Variants in ESRRB observed in about 807,000 individuals in gnomAD.
ESRRB encodes the protein estrogen related receptor beta.
In ESRRB, 16 loss-of-function variants were observed where a neutral mutation model predicts 46.0. The observed-to-expected ratio is 0.35, with a 90% CI of 0.24 to 0.53. The LOEUF (loss-of-function observed/expected upper bound fraction) is 0.53, where lower values mean the gene tolerates loss of function less well. Ranked by LOEUF, ESRRB falls within the 20% of genes least tolerant of loss-of-function variation. The pLI is 0.93. For missense variants in ESRRB, 488 were observed against 607.4 expected (o/e 0.80, Z 2.07); for synonymous variants, 246 against 259.6 (o/e 0.95, Z 0.50).
At chr14:76,460,718 TGAGACGGA>T (rs1555341802) in intron 2 of ESRRB, among the ~76,000 whole-genome samples, 2 of 151,348 alleles carry the variant, frequency 1.3e-5, no homozygotes, top group Non-Finnish European at 2.9e-5. Flanking sequence ...CATTTTTTTT[TGAGACGGA>T]GTTTTGCTCT....
At position 76,498,521 on chromosome 14, in the gene ESRRB, C is replaced by A; in HGVS notation, c.*63C>A. The stretch of plus-strand genomic sequence containing the variant: ...ACAAACGGACAGACCGAGGTGGAGA[C>A]CTCCACAGCCACCAGCCTCCACCTT... On this transcript the variant is annotated 3_prime_UTR_variant, in exon 7 of 7. Coordinates refer to ENST00000644823, the MANE Select transcript of ESRRB (RefSeq NM_001379180.1). 6.2e-7 allele frequency: 1 copy of A among 1,611,494 alleles called. No individual in the cohort carries two copies. Among genetic ancestry groups the A allele is most frequent in the Admixed American group, 1.7e-5 (1 of 59,974 alleles).
intron 1 of ESRRB, among the ~76,000 whole-genome samples, chr14:76,426,954 G>A (rs902023215): frequency 6.6e-6 from 1 of 152,192 alleles, no homozygotes; most frequent in African/African-American, 2.4e-5. Context: ...GTTTAAGTGC[G>A]AGAAGCCCCC....
At chr14:76,350,209 GGACAA>G (rs1367442683) in intron 1 of ESRRB, among the ~76,000 whole-genome samples, 2 of 152,142 alleles carry the variant, frequency 1.3e-5, no homozygotes, top group Non-Finnish European at 2.9e-5. Flanking sequence ...AAGCTGGGCT[GGACAA>G]TCCAGAAGGA....
intron 2 of ESRRB, among the ~76,000 whole-genome samples, chr14:76,450,715 G>A (rs1168303944): frequency 6.6e-6 from 1 of 152,176 alleles, no homozygotes; most frequent in East Asian, 1.9e-4. Flanking sequence ...CCTGGAGAAT[G>A]CAGCTGGCGG....
intron 1 of ESRRB, among the ~76,000 whole-genome samples, chr14:76,398,172 T>G (rs889826011): frequency 6.6e-6 from 1 of 152,248 alleles, no homozygotes; most frequent in Admixed American, 6.5e-5. Context: ...CAGTGTATCG[T>G]GCATTACCCA....
At chr14:76,454,314 A>AT (rs1302260093) in intron 2 of ESRRB, among the ~76,000 whole-genome samples, 1 of 152,340 alleles carries the variant, frequency 6.6e-6, no homozygotes, top group East Asian at 1.9e-4. Context: ...GAGATACTGT[A>AT]CTTGAGATAC....
At chr14:76,350,353 C>G (rs1884299185) in intron 1 of ESRRB, among the ~76,000 whole-genome samples, 1 of 152,218 alleles carries the variant, frequency 6.6e-6, no homozygotes, top group Non-Finnish European at 1.5e-5. Flanking sequence ...CAAAACAGCC[C>G]TTGCCCTCGA....
At chr14:76,424,787 A>G (rs1364527041) in intron 1 of ESRRB, among the ~76,000 whole-genome samples, 5 of 152,112 alleles carry the variant, frequency 3.3e-5, no homozygotes, top group Admixed American at 2.6e-4. Flanking sequence ...CCCAGACTGG[A>G]GTGCAGTGGC....
In ESRRB at chr14:76,423,391, A is replaced by G. The variant is rs568338082; in HGVS notation, c.51-15950A>G. Among the ~76,000 whole-genome samples the G allele has an allele frequency of 7.9e-5, 12 of 152,250 alleles. No homozygotes were observed. In the South Asian group the frequency reaches 2.5e-3, roughly 32 times the overall value. On this transcript the variant is annotated intron_variant, in intron 1 of 6. Transcript: ENST00000644823. ...ACTTCTGACCTCAAGTGATCTGCTC[A>G]CTTTGGCTTCCCAAATTGCTGAGAT...
At position 76,500,012 on chromosome 14, in the gene ESRRB, C is replaced by T; in HGVS notation, c.*1554C>T. ...ATCCACGCCCTTCTAGTCCAACCCC[C>T]CTCAATGAGAGAGGCAGGCAGATCT... is the stretch of plus-strand genomic sequence containing the variant. On this transcript the variant is annotated 3_prime_UTR_variant, in exon 7 of 7. Coordinates refer to ENST00000644823, the MANE Select transcript of ESRRB (RefSeq NM_001379180.1). 1.3e-6 allele frequency: 2 copies of T among 1,566,500 alleles called. No homozygotes were observed. The highest frequency in any genetic ancestry group is 1.2e-5 in the South Asian group (1 of 85,304).
chr14:76,317,310 CTGTGTGTGTGTGTGTGTGTGTG>C (rs4024313), intron 1 of ESRRB, among the ~76,000 whole-genome samples: 34 of 134,524 alleles, frequency 2.5e-4, no homozygotes, highest in African/African-American at 9.5e-4. Flanking sequence ...TGATTAGGCT[CTGTGTGTGTGTGTGTGTGTGTG>C]TGTGTGTGTG....
intron 1 of ESRRB, among the ~76,000 whole-genome samples, chr14:76,319,228 A>T (rs1006227238): frequency 2.0e-5 from 3 of 152,258 alleles, no homozygotes; most frequent in African/African-American, 7.2e-5. Context: ...TTCCCTGCGT[A>T]GCATAGCTAA....
chr14:76,425,564 T>C (rs1450944702), intron 1 of ESRRB, among the ~76,000 whole-genome samples: 5 of 151,972 alleles, frequency 3.3e-5, no homozygotes, highest in Non-Finnish European at 5.9e-5. Flanking sequence ...ATTTCCCTGC[T>C]GTCCCTCCAA....
At chr14:76,455,567 T>A (rs1888571064) in intron 2 of ESRRB, among the ~76,000 whole-genome samples, 1 of 152,196 alleles carries the variant, frequency 6.6e-6, no homozygotes, top group African/African-American at 2.4e-5. Flanking sequence ...GTTTTCTGGA[T>A]CCTACCTCTT....
rs530761894 is a variant in ESRRB at position 76,399,974 on chromosome 14, G to A, written c.50+23523G>A. On this transcript the variant is annotated intron_variant, in intron 1 of 6. Coordinates refer to ENST00000644823, the MANE Select transcript of ESRRB (RefSeq NM_001379180.1). The stretch of plus-strand genomic sequence containing the variant: ...GTCAGGCTCAGTCCCTGATCCATGC[G>A]GAATAAATAATGGCCCAGCAAGATG... 5.2e-4 allele frequency among the ~76,000 whole-genome samples: 79 copies of A among 152,274 alleles called. 1 individual carries two copies. The South Asian group carries it at 0.015, about 28-fold the overall frequency.
At chr14:76,313,124 G>A (rs902853678) in intron 1 of ESRRB, among the ~76,000 whole-genome samples, 1 of 134,652 alleles carries the variant, frequency 7.4e-6, no homozygotes, top group African/African-American at 2.8e-5. Context: ...GGTGAGATAG[G>A]GGCTTGTCTG....
chr14:76,488,419 C>T (rs1238556468), intron 5 of ESRRB, among the ~76,000 whole-genome samples: 2 of 152,148 alleles, frequency 1.3e-5, no homozygotes, highest in Non-Finnish European at 2.9e-5. Flanking sequence ...CTTTCCAAGT[C>T]CAGTCTCCCT....
chr14:76,421,027 G>A (rs572853117), intron 1 of ESRRB, among the ~76,000 whole-genome samples: 34 of 152,258 alleles, frequency 2.2e-4, no homozygotes, highest in African/African-American at 7.9e-4. Context: ...CTTGGGGCCC[G>A]GTGCTGGCCT....
Position 76,395,620 on chromosome 14 carries a change from G to A in ESRRB, c.50+19169G>A, listed in dbSNP as rs180869797. ...GGGAATAAGAATCCTTCTCTTATAG[G>A]GTTGCAGAAGAATTTAATAAAATAA... On this transcript the variant is annotated intron_variant, in intron 1 of 6. Coordinates refer to ENST00000644823, the MANE Select transcript of ESRRB (RefSeq NM_001379180.1). Among the ~76,000 whole-genome samples, 41 of 152,130 alleles carry A rather than the reference G, an allele frequency of 2.7e-4. No homozygotes were observed. The East Asian group carries it at 7.4e-3, about 27-fold the overall frequency.
Sources: allele counts gnomAD v4.1 joint callset (sites outside exome capture counted in the v4.1 genomes callset), GRCh38; gene constraint gnomAD v4.1.1; transcripts MANE v1.5; gene names NCBI Gene and HGNC (gene_info 2026-07-23, HGNC 2026-07-21).